The following PPIP5K1 variants were observed in gnomAD, a reference collection of about 807,000 sequenced individuals.
The protein encoded by PPIP5K1 is diphosphoinositol pentakisphosphate kinase 1, also known as inositol hexakisphosphate and diphosphoinositol-pentakisphosphate kinase 1.
In PPIP5K1, 6 loss-of-function variants were observed where a neutral mutation model predicts 27.7. The ratio of observed to expected loss-of-function variants is 0.22; its 90% CI spans 0.12 to 0.43. The LOEUF is 0.43. Among genes scored for constraint, PPIP5K1 ranks in the 20% least tolerant of loss-of-function variants. The pLI is 1.00. For synonymous variants in PPIP5K1, 145 were observed against 242.6 expected, an observed-to-expected ratio of 0.60 and a Z score of 3.74; for missense variants, 394 against 635.4, an observed-to-expected ratio of 0.62 and a Z score of 4.08.
chr15:43,545,176 T>C (rs1338434735), intron 30 of PPIP5K1, among the ~76,000 whole-genome samples: 1 of 146,718 alleles, frequency 6.8e-6, no homozygotes, highest in Non-Finnish European at 1.5e-5. Flanking sequence ...AGAGTCCGTC[T>C]CATAAAAAAA....
At chr15:43,536,171 C>T in intron 31 of PPIP5K1, 1 of 1,106,074 alleles carries the variant, frequency 9.0e-7, no homozygotes, top group Non-Finnish European at 1.2e-6. Flanking sequence ...GTAATCCCAG[C>T]ACTTTGGGAG....
At chr15:43,537,617 A>G (rs1277281414) in intron 31 of PPIP5K1, among the ~76,000 whole-genome samples, 1 of 135,516 alleles carries the variant, frequency 7.4e-6, no homozygotes, top group African/African-American at 2.8e-5. Context: ...TGAGCCTGGG[A>G]TGTGGAGGTT....
intron 10 of PPIP5K1, among the ~76,000 whole-genome samples, chr15:43,580,688 G>A (rs1377003143): frequency 2.2e-5 from 2 of 91,456 alleles, no homozygotes; most frequent in African/African-American, 1.4e-4. Context: ...TTCACCTCCT[G>A]CGTTCAAGCG....
At chr15:43,555,031 T>C (rs539296086) in intron 30 of PPIP5K1, among the ~76,000 whole-genome samples, 1 of 151,974 alleles carries the variant, frequency 6.6e-6, no homozygotes, top group Non-Finnish European at 1.5e-5. Context: ...GAGACAAGGT[T>C]TCCCCATGTT....
intron 29 of PPIP5K1, 128 bp downstream of exon 29, chr15:43,560,285 G>C: frequency 5.8e-6 from 5 of 856,980 alleles, no homozygotes; most frequent in Non-Finnish European, 8.2e-6. Context: ...GTGACTAAAT[G>C]CAAGTTACAT....
chr15:43,537,718 G>A (rs990629197), intron 31 of PPIP5K1, among the ~76,000 whole-genome samples: 14 of 146,004 alleles, frequency 9.6e-5, no homozygotes, highest in African/African-American at 3.6e-4. Context: ...GAGAGAGAGA[G>A]AGAGAGAGAG....
chr15:43,558,372 C>T (rs529567389), intron 30 of PPIP5K1, among the ~76,000 whole-genome samples: 6 of 152,138 alleles, frequency 3.9e-5, no homozygotes, highest in East Asian at 3.9e-4. Context: ...GGACTGCAGG[C>T]GCACACCACC....
At chr15:43,552,950 G>A (rs1280275317) in intron 30 of PPIP5K1, among the ~76,000 whole-genome samples, 3 of 152,014 alleles carry the variant, frequency 2.0e-5, no homozygotes, top group African/African-American at 7.2e-5. Context: ...GGCTGAGGTG[G>A]GGAATCGCTT....
chr15:43,538,588 G>A lies in PPIP5K1; in HGVS notation c.3670+882C>T, dbSNP rs138487934. On this transcript the variant is annotated intron_variant, in intron 31 of 31. Coordinates refer to ENST00000420765, the MANE Select transcript of PPIP5K1 (RefSeq NM_001394395.1). ...GTTGCCCAGGCTGGAGTGCATTGGCGCCATCTCAGCTCACTGCAAGCTCTG... is the reference window on the plus strand; with the variant it reads ...GTTGCCCAGGCTGGAGTGCATTGGCACCATCTCAGCTCACTGCAAGCTCTG... 5.9e-5 allele frequency among the ~76,000 whole-genome samples: 9 copies of A among 152,110 alleles called. No individual in the cohort carries two copies. The East Asian group carries it at 1.7e-3, about 30-fold the overall frequency.
chr15:43,546,666 T>TG (rs1424320156), intron 30 of PPIP5K1, among the ~76,000 whole-genome samples: 1 of 143,970 alleles, frequency 6.9e-6, no homozygotes, highest in Non-Finnish European at 1.5e-5. Flanking sequence ...TTTTTTTTTT[T>TG]TTTTTTTTTT....
chr15:43,536,050 C>A (rs1233564555), intron 31 of PPIP5K1: 2 of 1,245,970 alleles, frequency 1.6e-6, no homozygotes, highest in African/African-American at 1.6e-5. Flanking sequence ...CAGAGGTAAT[C>A]ATTATTTATA....
chr15:43,580,588 A>T (rs2084932172), intron 10 of PPIP5K1, among the ~76,000 whole-genome samples: 1 of 127,048 alleles, frequency 7.9e-6, no homozygotes, highest in South Asian at 2.3e-4. Context: ...TAATTTAATT[A>T]ATTAATTAAT....
At position 43,534,659 on chromosome 15, in the gene PPIP5K1, G is replaced by A. The variant is rs1444998212; in HGVS notation, c.*15C>T. 6.6e-6 allele frequency: 10 copies of A among 1,516,582 alleles called. No individual in the cohort carries two copies. The highest frequency in any genetic ancestry group is 8.8e-6 in the Non-Finnish European group (10 of 1,135,748). 93.9% of individuals were successfully genotyped at this position (1,516,582 alleles called of 1,614,324 possible). ...CAGGCAGCTGATCAATCACTTCAGG[G>A]ACCACCCAGGACTTCTAATTTATCT... On this transcript the variant is annotated 3_prime_UTR_variant, in exon 32 of 32. Transcript: ENST00000420765.
Position 43,560,436 on chromosome 15 carries a change from T to C in PPIP5K1, c.3395A>G (p.Gln1132Arg), listed in dbSNP as rs1313187749. Residue 1132 changes from glutamine to arginine, a missense_variant, in exon 29 of 32, where the codon CAG (glutamine) becomes CGG (arginine). Physicochemically the swap from Gln to Arg is conservative, Grantham distance 43. This residue lies in a region of PPIP5K1 where 5 missense variants were observed against 20.3 expected (regional missense o/e 0.25). Coordinates refer to ENST00000420765, the MANE Select transcript of PPIP5K1 (RefSeq NM_001394395.1). Reference sequence around the variant, plus strand: ...ACCGTAGAGGCACTCGGGGTCATCCTGGCCTGAGCGCAGCCAGTTCCGGAA... The same window carrying C: ...ACCGTAGAGGCACTCGGGGTCATCCCGGCCTGAGCGCAGCCAGTTCCGGAA... ...RLFRNWLRSG[Q>R]DDPECLYGFE... is the part of the protein sequence containing the mutation. The C allele has an allele frequency of 1.5e-6, 2 of 1,302,026 alleles. No individual in the cohort carries two copies. The highest frequency in any genetic ancestry group is 2.0e-6 in the Non-Finnish European group (2 of 988,636). The allele number at this position is 1,302,026 out of a possible 1,614,324, so 80.7% of individuals were successfully genotyped here.
intron 30 of PPIP5K1, among the ~76,000 whole-genome samples, chr15:43,554,455 A>G (rs2140977689): frequency 6.6e-6 from 1 of 152,270 alleles, no homozygotes; most frequent in African/African-American, 2.4e-5. Flanking sequence ...TCCTCTTGTA[A>G]CAATTTTTTT....
At chr15:43,541,260 A>G (rs1329713497) in intron 30 of PPIP5K1, among the ~76,000 whole-genome samples, 2 of 152,070 alleles carry the variant, frequency 1.3e-5, no homozygotes, top group East Asian at 3.9e-4. Flanking sequence ...CTACAGGCAC[A>G]TATCACCACT....
chr15:43,579,517 A>ATATGTGTATATAGATGCACATATG (rs1434247470), intron 10 of PPIP5K1, among the ~76,000 whole-genome samples: 1 of 96,084 alleles, frequency 1.0e-5, no homozygotes, highest in Non-Finnish European at 1.7e-5. Flanking sequence ...ATAGATGCAC[A>ATATGTGTATATAGATGCACATATG]TATGTGTATA....
intron 30 of PPIP5K1, among the ~76,000 whole-genome samples, chr15:43,549,027 CAAAAAAAAAA>C (rs1160828750): frequency 7.0e-4 from 20 of 28,664 alleles, no homozygotes; most frequent in South Asian, 3.7e-3. Context: ...GACTCCATCT[CAAAAAAAAAA>C]AAAAAAAAAA....
chr15:43,556,515 T>G (rs1296641704), intron 30 of PPIP5K1, among the ~76,000 whole-genome samples: 3 of 141,036 alleles, frequency 2.1e-5, no homozygotes, highest in Non-Finnish European at 3.0e-5. Context: ...CACTCCAGCC[T>G]GGGTGACAGA....
Sources: gnomAD v4.1 joint callset for allele counts (sites outside exome capture counted in the v4.1 genomes callset) on GRCh38, gnomAD v4.1.1 for gene constraint, gnomAD v4.1.1 regional missense constraint, MANE v1.5 for transcripts, NCBI Gene and HGNC (gene_info 2026-07-23, HGNC 2026-07-21) for gene names.